C2CD4D: variants seen among roughly 807,000 people sequenced by gnomAD.
The protein encoded by C2CD4D is C2 calcium dependent domain containing 4D, also known as C2 calcium-dependent domain-containing protein 4D.
A neutral mutation model predicts 0.2 loss-of-function variants in C2CD4D; 1 was observed. The observed-to-expected ratio is 4.00, with a 90% confidence interval of 1.42 to 18.99. The LOEUF is 18.99. Ranked by LOEUF, C2CD4D falls within the 30% of genes most tolerant of loss-of-function variation. The pLI, the probability that C2CD4D is intolerant of heterozygous loss-of-function variation, is 0.11. For synonymous variants in C2CD4D, 269 were observed against 279.8 expected (o/e 0.96, Z 0.39); for missense variants, 552 against 551.2 (o/e 1.00, Z -0.01).
In C2CD4D at chr1:151,837,925, A is replaced by G. The variant is rs746807159; in HGVS notation, c.*3T>C. 38 of 1,515,466 alleles carry G rather than the reference A, an allele frequency of 2.5e-5. No individual in the cohort carries two copies. In the South Asian group the frequency reaches 2.7e-4, roughly 11 times the overall value. 93.9% of individuals were successfully genotyped at this position (1,515,466 alleles called of 1,614,324 possible). A position where few individuals can be genotyped will look rare whatever the true frequency, so the allele number is the denominator to read the frequency against. On this transcript the variant is annotated 3_prime_UTR_variant, in exon 2 of 2. Coordinates refer to ENST00000454109, the Ensembl canonical transcript of C2CD4D. ...GACGTCCTGAGGAAGCCAGGGGCTC[A>G]GGCTACAGGCTGAGATGGGTGGGCG...
chr1:151,838,413 G>C, exon 2 of C2CD4D: 1 of 1,430,532 alleles, frequency 7.0e-7, no homozygotes, highest in South Asian at 1.4e-5. Flanking sequence ...TGGAAGAGCG[G>C]CGGCGTGGGC....
chr1:151,840,373 C>G (rs1480891156), exon 1 of C2CD4D: 2 of 152,412 alleles, frequency 1.3e-5, no homozygotes, highest in African/African-American at 2.4e-5. Context: ...AGGGAGACGG[C>G]CATCAGTGGA....
Position 151,839,077 on chromosome 1 carries a change from G to C in C2CD4D, c.-88C>G, listed in dbSNP as rs149066765. ...AGATGGGAGTGCTCGGCGGAGCGGG[G>C]CTGGGCGAGGAGCGCAGAGGAGTCA... is the stretch of plus-strand genomic sequence containing the variant. On this transcript the variant is annotated 5_prime_UTR_variant, in exon 2 of 2. Coordinates refer to ENST00000454109, the Ensembl canonical transcript of C2CD4D. 1,187 of 1,445,318 alleles carry C rather than the reference G, an allele frequency of 8.2e-4. 7 individuals are homozygous for C. In the African/African-American group the frequency reaches 0.016, roughly 19 times the overall value. 89.5% of individuals were successfully genotyped at this position (1,445,318 alleles called of 1,614,324 possible).
At chr1:151,838,549 G>T in exon 2 of C2CD4D, 1 of 1,323,572 alleles carries the variant, frequency 7.6e-7, no homozygotes, top group Non-Finnish European at 9.6e-7. Flanking sequence ...AGGGCGACGA[G>T]TCCGGCGACG....
Position 151,839,225 on chromosome 1 carries a change from G to A in C2CD4D, c.-231-5C>T. 1.9e-6 allele frequency: 1 copy of A among 540,120 alleles called. No individual in the cohort carries two copies. The highest frequency in any genetic ancestry group is 3.3e-6 in the Non-Finnish European group (1 of 305,666). 33.5% of individuals were successfully genotyped at this position (540,120 alleles called of 1,614,324 possible). A position where few individuals can be genotyped will look rare whatever the true frequency, so the allele number is the denominator to read the frequency against. On this transcript the variant is annotated splice_region_variant and splice_polypyrimidine_tract_variant and intron_variant, in intron 1 of 1. Transcript: ENST00000454109. ...AGGGCGGCGCAGTCTGGGGGGCTGG[G>A]GAGAAATGGAGGGAGCAAAGGGCCA...
exon 2 of C2CD4D, chr1:151,838,817 G>A (rs1309952195): frequency 2.1e-6 from 3 of 1,431,084 alleles, no homozygotes; most frequent in Admixed American, 3.2e-5. Flanking sequence ...GCCCGGGTCC[G>A]GGAGCCGAGG....
intron 1 of C2CD4D, among the ~76,000 whole-genome samples, 189 bp from the exon 1 acceptor site, chr1:151,840,009 C>A (rs1266882962): frequency 6.6e-6 from 1 of 152,234 alleles, no homozygotes; most frequent in Admixed American, 6.5e-5. Context: ...CGACCCTCTG[C>A]CCTGGGATCC....
exon 2 of C2CD4D, chr1:151,838,056 T>C (rs1393927380): frequency 6.4e-7 from 1 of 1,551,434 alleles, no homozygotes; most frequent in African/African-American, 1.4e-5. Context: ...CCCGCGCCCC[T>C]GTCTAGCACC....
At position 151,837,939 on chromosome 1, in the gene C2CD4D, G is replaced by A. The variant is rs536991719; in HGVS notation, c.1051C>T (p.Leu351Phe). The A allele has an allele frequency of 1.9e-5, 29 of 1,536,318 alleles. No homozygotes were observed. In the East Asian group the frequency reaches 6.4e-4, roughly 34 times the overall value. ...GCCAGGGGCTCAGGCTACAGGCTGA[G>A]ATGGGTGGGCGCCAGGGATGACCCG... The change falls in exon 2 of 2, where the codon CTC becomes TTC. Residue 351 changes from leucine (L) to phenylalanine (F), a missense_variant. Physicochemically the swap from Leu to Phe is conservative, Grantham distance 22. Coordinates refer to ENST00000454109, the Ensembl canonical transcript of C2CD4D.
At chr1:151,839,533 C>T (rs988386507) in intron 1 of C2CD4D, among the ~76,000 whole-genome samples, 131 bp downstream of exon 1, 1 of 152,316 alleles carries the variant, frequency 6.6e-6, no homozygotes, top group East Asian at 1.9e-4. Flanking sequence ...CCCCTTGGGA[C>T]TTCCTCCCTT....
chr1:151,838,844 G>T (rs900793190), exon 2 of C2CD4D: 1 of 1,505,930 alleles, frequency 6.6e-7, no homozygotes, highest in African/African-American at 1.5e-5. Flanking sequence ...GAAGAACTGC[G>T]GGATGCGATC....
chr1:151,838,546 C>G lies in C2CD4D; in HGVS notation c.444G>C (p.Ser148=), dbSNP rs781022491. The change falls in exon 2 of 2, where the codon TCG becomes TCC. Residue 148 remains serine, a synonymous_variant. Transcript: ENST00000454109. ...CTGGCCGCGGGGAGCCGAAGGGCGACGAGTCCGGCGACGAGGCCGTGTCGC... is the reference window on the plus strand; with the variant it reads ...CTGGCCGCGGGGAGCCGAAGGGCGAGGAGTCCGGCGACGAGGCCGTGTCGC... 6.8e-6 allele frequency: 9 copies of G among 1,323,076 alleles called. No individual in the cohort carries two copies. In the South Asian group the frequency reaches 1.4e-4, roughly 21 times the overall value. 82.0% of individuals were successfully genotyped at this position (1,323,076 alleles called of 1,614,324 possible). A position where few individuals can be genotyped will look rare whatever the true frequency, so the allele number is the denominator to read the frequency against.
At position 151,839,825 on chromosome 1, in the gene C2CD4D, G is replaced by A. The variant is rs1462256437; in HGVS notation, c.-232+378C>T. Among the ~76,000 whole-genome samples the A allele has an allele frequency of 6.6e-6, 1 of 152,152 alleles. No homozygotes were observed. The highest frequency in any genetic ancestry group is 2.4e-5 in the African/African-American group (1 of 41,444). Reference sequence around the variant, plus strand: ...GCCCTACCGCATCCCGCGTCTGCAGGGCGGGGCCGGGCCGTTGGGTCGCCC... The same window carrying A: ...GCCCTACCGCATCCCGCGTCTGCAGAGCGGGGCCGGGCCGTTGGGTCGCCC... On this transcript the variant is annotated intron_variant, in intron 1 of 1. Coordinates refer to ENST00000454109, the Ensembl canonical transcript of C2CD4D.
chr1:151,839,351 T>C lies in C2CD4D; in HGVS notation c.-231-131A>G, dbSNP rs2101689468. ...TCACCTTACAGTTAGAGGGCCCATA[T>C]AGTATCCACCAGAACCCTAGGGTAC... On this transcript the variant is annotated intron_variant, in intron 1 of 1. Coordinates refer to ENST00000454109, the Ensembl canonical transcript of C2CD4D. 1.4e-5 allele frequency: 4 copies of C among 280,316 alleles called. 1 individual carries two copies. The South Asian group carries it at 2.0e-4, about 14-fold the overall frequency. The allele number at this position is 280,316 out of a possible 1,614,324, so 17.4% of individuals were successfully genotyped here.
chr1:151,838,598 T>G (rs1652660260), exon 2 of C2CD4D: 1 of 1,314,340 alleles, frequency 7.6e-7, no homozygotes, highest in South Asian at 2.1e-5. Context: ...GAGGCGCAGG[T>G]CCGGGGCGGA....
exon 2 of C2CD4D, chr1:151,838,381 C>T: frequency 7.0e-7 from 1 of 1,436,144 alleles, no homozygotes; most frequent in Non-Finnish European, 9.1e-7. Context: ...TGGGCCGCAG[C>T]TGGCAGCACA....
Position 151,838,340 on chromosome 1 carries a change from CG to C in C2CD4D, c.649del (p.Arg217AlafsTer22). The C allele has an allele frequency of 7.1e-7, 1 of 1,417,408 alleles. No individual in the cohort carries two copies. The highest frequency in any genetic ancestry group is 1.5e-5 in the South Asian group (1 of 66,554). 87.8% of individuals were successfully genotyped at this position (1,417,408 alleles called of 1,614,324 possible). ...GGTGGAGAGCCGCAGCTGCCCGCCG[CG>C]GGGCCCCAGGCGCAGCACGCTCTCG... On this transcript the variant is annotated frameshift_variant, in exon 2 of 2. Coordinates refer to ENST00000454109, the Ensembl canonical transcript of C2CD4D. LOFTEE classifies it low-confidence loss of function (END_TRUNC).
chr1:151,838,220 C>G (rs1350190862), exon 2 of C2CD4D: 1 of 1,416,744 alleles, frequency 7.1e-7, no homozygotes, highest in Non-Finnish European at 9.2e-7. Flanking sequence ...CACACAGCAG[C>G]CGCCGCCGCC....
chr1:151,840,391 C>G (rs1405962105), exon 1 of C2CD4D: 1 of 152,308 alleles, frequency 6.6e-6, no homozygotes, highest in Admixed American at 6.5e-5. Context: ...GGACAGTGGC[C>G]ACTTCTTTGG....
Sources: gnomAD v4.1 joint callset for allele counts (sites outside exome capture counted in the v4.1 genomes callset) on GRCh38, gnomAD v4.1.1 for gene constraint, MANE v1.5 for transcripts, NCBI Gene and HGNC (gene_info 2026-07-23, HGNC 2026-07-21) for gene names.